The following RNF169 variants were observed in gnomAD, a reference collection of about 807,000 sequenced individuals.
The protein encoded by RNF169 is ring finger protein 169, also known as E3 ubiquitin-protein ligase RNF169.
In RNF169, 24 loss-of-function variants were observed where a neutral mutation model predicts 53.9. The ratio of observed to expected loss-of-function variants is 0.45; its 90% CI spans 0.32 to 0.63. The LOEUF (loss-of-function observed/expected upper bound fraction) is 0.63. Ranked by LOEUF, RNF169 falls within the 20% of genes least tolerant of loss-of-function variation. The pLI is 0.04. For synonymous variants in RNF169, 396 were observed against 363.5 expected (o/e 1.09, Z -1.02); for missense variants, 883 against 906.2 (o/e 0.97, Z 0.33).
At chr11:74,772,372 G>C (rs1272607907) in intron 1 of RNF169, among the ~76,000 whole-genome samples, 1 of 151,856 alleles carries the variant, frequency 6.6e-6, no homozygotes, top group Non-Finnish European at 1.5e-5. Flanking sequence ...AACCACACAG[G>C]GTTATTATAA....
At chr11:74,769,492 T>C (rs1269888453) in intron 1 of RNF169, among the ~76,000 whole-genome samples, 1 of 152,182 alleles carries the variant, frequency 6.6e-6, no homozygotes, top group African/African-American at 2.4e-5. Context: ...GTGTGTGCCA[T>C]AGTGAAACTC....
At chr11:74,805,539 T>C (rs905853634) in intron 2 of RNF169, among the ~76,000 whole-genome samples, 6 of 152,176 alleles carry the variant, frequency 3.9e-5, no homozygotes, top group African/African-American at 1.4e-4. Flanking sequence ...AATGAATTCT[T>C]AATATAAAAA....
intron 1 of RNF169, among the ~76,000 whole-genome samples, chr11:74,788,544 C>G (rs1050083827): frequency 6.6e-6 from 1 of 152,048 alleles, no homozygotes; most frequent in African/African-American, 2.4e-5. Flanking sequence ...AGGTGCCCAC[C>G]ACCACACCCA....
intron 2 of RNF169, among the ~76,000 whole-genome samples, chr11:74,791,933 G>T (rs2035585782): frequency 6.6e-6 from 1 of 152,234 alleles, no homozygotes; most frequent in African/African-American, 2.4e-5. Flanking sequence ...ACTGCAGCTG[G>T]CATCTTCACA....
At chr11:74,761,062 G>T (rs1145674) in intron 1 of RNF169, among the ~76,000 whole-genome samples, 19,004 of 74,044 alleles carry the variant, frequency 0.26, 3,191 homozygotes, top group African/African-American at 0.52. Context: ...TTACCATTAT[G>T]TAATGGCCTT....
At chr11:74,752,486 A>G (rs2135299791) in intron 1 of RNF169, among the ~76,000 whole-genome samples, 1 of 151,822 alleles carries the variant, frequency 6.6e-6, no homozygotes, top group South Asian at 2.1e-4. Flanking sequence ...AGTTCCAGCT[A>G]CTGGGGAGGC....
At chr11:74,772,343 T>C (rs562574648) in intron 1 of RNF169, among the ~76,000 whole-genome samples, 1 of 152,308 alleles carries the variant, frequency 6.6e-6, no homozygotes, top group East Asian at 1.9e-4. Flanking sequence ...TTTTCTGGTC[T>C]GTAAAAAGTA....
chr11:74,825,559 C>G (rs989675364), intron 4 of RNF169, among the ~76,000 whole-genome samples: 1 of 152,158 alleles, frequency 6.6e-6, no homozygotes, highest in Admixed American at 6.5e-5. Context: ...CAGCTGAATT[C>G]TACCACAGGG....
intron 2 of RNF169, 59 bp downstream of exon 2, chr11:74,789,758 A>C: frequency 8.8e-7 from 1 of 1,136,404 alleles, no homozygotes. Flanking sequence ...GACATTAAAG[A>C]ATGCTTAGTG....
intron 1 of RNF169, among the ~76,000 whole-genome samples, chr11:74,788,043 G>T (rs987155360): frequency 4.6e-5 from 7 of 151,808 alleles, no homozygotes; most frequent in African/African-American, 1.7e-4. Flanking sequence ...AGTTGCAATC[G>T]ACAGAAATCT....
At chr11:74,774,106 G>A (rs1432877294) in intron 1 of RNF169, among the ~76,000 whole-genome samples, 2 of 152,214 alleles carry the variant, frequency 1.3e-5, no homozygotes, top group African/African-American at 2.4e-5. Context: ...TTGGGAGGCC[G>A]AGGCAGGCAG....
Position 74,842,134 on chromosome 11 carries a change from G to A in RNF169, c.*5404G>A, listed in dbSNP as rs1440657636. On this transcript the variant is annotated 3_prime_UTR_variant, in exon 6 of 6. Transcript: ENST00000299563. ...GTGTATTGGTTTTATTCAACCTGCT[G>A]TCTGCTTTAGGATTGGAGAAGGTAC... 3 of 151,902 alleles carry A rather than the reference G, an allele frequency of 2.0e-5. No homozygotes were observed. Among genetic ancestry groups the A allele is most frequent in the Non-Finnish European group, 4.4e-5 (3 of 68,016 alleles). The allele number at this position is 151,902 out of a possible 1,614,324, so 9.4% of individuals were successfully genotyped here. A position where few individuals can be genotyped will look rare whatever the true frequency, so the allele number is the denominator to read the frequency against.
Position 74,782,146 on chromosome 11 carries a change from C to T in RNF169, c.503-7480C>T, listed in dbSNP as rs546493544. 2.5e-3 allele frequency among the ~76,000 whole-genome samples: 387 copies of T among 152,136 alleles called. 3 individuals carry two copies. The highest frequency in any genetic ancestry group is 2.8e-3 in the Non-Finnish European group (193 of 68,022). ...GAGTTGTTTTTAGCTTCCTATGAAG[C>T]GGCTGGTGGAGAGTTAAGTGTGGAA... On this transcript the variant is annotated intron_variant, in intron 1 of 5. Coordinates refer to ENST00000299563, the MANE Select transcript of RNF169 (RefSeq NM_001098638.2).
intron 1 of RNF169, among the ~76,000 whole-genome samples, chr11:74,770,316 GT>G (rs2035241737): frequency 6.6e-6 from 1 of 152,206 alleles, no homozygotes; most frequent in Non-Finnish European, 1.5e-5. Flanking sequence ...TAAGCTGCCA[GT>G]TTGCTTATAA....
intron 1 of RNF169, among the ~76,000 whole-genome samples, chr11:74,781,802 T>C (rs1037200932): frequency 5.9e-5 from 9 of 152,222 alleles, no homozygotes; most frequent in Admixed American, 5.2e-4. Flanking sequence ...TTGTGTTAAA[T>C]CATAGCTCTT....
intron 1 of RNF169, among the ~76,000 whole-genome samples, chr11:74,778,616 G>C (rs997481023): frequency 1.3e-5 from 2 of 152,168 alleles, no homozygotes; most frequent in Non-Finnish European, 2.9e-5. Context: ...GACTCCAGTG[G>C]TGGCGGGCTG....
chr11:74,761,703 C>G (rs1454165389), intron 1 of RNF169, among the ~76,000 whole-genome samples: 1 of 152,152 alleles, frequency 6.6e-6, no homozygotes, highest in Non-Finnish European at 1.5e-5. Context: ...ATGGGCTTCC[C>G]TTTCCCGACC....
chr11:74,796,370 A>G (rs1055370567), intron 2 of RNF169, among the ~76,000 whole-genome samples: 1 of 152,226 alleles, frequency 6.6e-6, no homozygotes, highest in Non-Finnish European at 1.5e-5. Flanking sequence ...TGTGCAGTTA[A>G]TGCATGTTGA....
chr11:74,807,436 C>G (rs2035821519), intron 2 of RNF169, among the ~76,000 whole-genome samples: 1 of 152,132 alleles, frequency 6.6e-6, no homozygotes, highest in Admixed American at 6.5e-5. Flanking sequence ...TCCTTCTACA[C>G]CTTGCAGAAG....
Sources: allele counts gnomAD v4.1 joint callset (sites outside exome capture counted in the v4.1 genomes callset), GRCh38; gene constraint gnomAD v4.1.1; transcripts MANE v1.5; gene names NCBI Gene and HGNC (gene_info 2026-07-23, HGNC 2026-07-21).